EYS: variants seen among roughly 807,000 people sequenced by gnomAD.
EYS encodes EGF-like photoreceptor maintenance factor, also known as protein eyes shut homolog.
In EYS, 250 loss-of-function variants were observed where a neutral mutation model predicts 282.1. The ratio of observed to expected loss-of-function variants is 0.89; its 90% CI spans 0.80 to 0.98. The LOEUF is 0.98. Among genes scored for constraint, EYS ranks in the 50% least tolerant of loss-of-function variants. EYS has a pLI of 0.00. For missense variants in EYS, 4,016 were observed against 3,709.0 expected (o/e 1.08, Z -2.15); for synonymous variants, 1,355 against 1,282.9 (o/e 1.06, Z -1.20).
intron 29 of EYS, among the ~76,000 whole-genome samples, chr6:64,380,029 C>G (rs1343858787): frequency 6.6e-6 from 1 of 152,044 alleles, no homozygotes; most frequent in Admixed American, 6.5e-5. Flanking sequence ...TCTATCAACT[C>G]AAATTGTGTC....
At chr6:65,501,420 A>AT (rs1034017547) in intron 2 of EYS, among the ~76,000 whole-genome samples, 12 of 151,886 alleles carry the variant, frequency 7.9e-5, no homozygotes, top group African/African-American at 2.4e-4. Context: ...GAGATAATAT[A>AT]TTTTTTCTAG....
chr6:65,235,630 C>T (rs1380082884), intron 12 of EYS, among the ~76,000 whole-genome samples: 5 of 152,050 alleles, frequency 3.3e-5, no homozygotes, highest in Non-Finnish European at 7.4e-5. Flanking sequence ...CTGAACAAGT[C>T]GCTAATCTTC....
At chr6:64,581,202 G>A (rs1344758936) in intron 26 of EYS, among the ~76,000 whole-genome samples, 2 of 152,124 alleles carry the variant, frequency 1.3e-5, no homozygotes, top group African/African-American at 4.8e-5. Context: ...GAAAGAGAGT[G>A]ATGGGAAACA....
intron 41 of EYS, among the ~76,000 whole-genome samples, chr6:63,729,985 T>G (rs1268965539): frequency 6.6e-6 from 1 of 152,224 alleles, no homozygotes; most frequent in Non-Finnish European, 1.5e-5. Context: ...GTTTTGGCTA[T>G]ATGAGTTATA....
intron 28 of EYS, among the ~76,000 whole-genome samples, chr6:64,425,802 T>G (rs1774389421): frequency 6.6e-6 from 1 of 151,468 alleles, no homozygotes; most frequent in South Asian, 2.1e-4. Flanking sequence ...GAGTAAAAAA[T>G]GACTTTCATT....
intron 22 of EYS, among the ~76,000 whole-genome samples, chr6:64,769,950 C>T (rs1370868934): frequency 6.6e-6 from 1 of 151,894 alleles, no homozygotes; most frequent in African/African-American, 2.4e-5. Context: ...TATACACACA[C>T]ACATACAGAT....
At position 64,872,889 on chromosome 6, in the gene EYS, A is replaced by T. The variant is rs139058877; in HGVS notation, c.2992+13808T>A. ...ACAGGAACTTCAGGAGTGCAGTCAC[A>T]CTTAGTAAAGTGTGACTTGATCAAT... On this transcript the variant is annotated intron_variant, in intron 19 of 42. Coordinates refer to ENST00000503581, the MANE Select transcript of EYS (RefSeq NM_001142800.2). Among the ~76,000 whole-genome samples the T allele has an allele frequency of 1.9e-4, 29 of 151,520 alleles. 1 individual carries two copies. The East Asian group carries it at 5.6e-3, about 29-fold the overall frequency.
chr6:64,624,908 A>T (rs570287217), intron 23 of EYS, among the ~76,000 whole-genome samples: 2 of 152,090 alleles, frequency 1.3e-5, no homozygotes, highest in Non-Finnish European at 2.9e-5. Context: ...TATGTTTCCC[A>T]AGCTGGAGTT....
intron 26 of EYS, among the ~76,000 whole-genome samples, chr6:64,545,916 A>G (rs60495946): frequency 0.052 from 7,963 of 152,192 alleles, 488 homozygotes; most frequent in African/African-American, 0.14. Flanking sequence ...TGGGTAGGAA[A>G]AATCAATATC....
At chr6:63,927,905 T>A (rs1265404340) in intron 35 of EYS, among the ~76,000 whole-genome samples, 1 of 152,182 alleles carries the variant, frequency 6.6e-6, no homozygotes, top group Non-Finnish European at 1.5e-5. Context: ...TACATGAAAA[T>A]TTATGAGCTT....
rs147852180 is a variant in EYS at position 64,549,982 on chromosome 6, C to T, written c.5644+40241G>A. Among the ~76,000 whole-genome samples, 452 of 152,088 alleles carry T rather than the reference C, an allele frequency of 3.0e-3. 1 individual carries two copies. Among genetic ancestry groups the T allele is most frequent in the African/African-American group, 0.01 (418 of 41,466 alleles). The stretch of plus-strand genomic sequence containing the variant: ...GTTCCCACCTATGAGGGAGAACATG[C>T]GGTGTTTGGTTTTTTGTCCTTGCGA... On this transcript the variant is annotated intron_variant, in intron 26 of 42. Transcript: ENST00000503581.
chr6:65,188,122 T>C (rs1765556355), intron 12 of EYS, among the ~76,000 whole-genome samples: 1 of 151,614 alleles, frequency 6.6e-6, no homozygotes, highest in South Asian at 2.1e-4. Flanking sequence ...AAAGTATATA[T>C]ACTCATATCA....
intron 15 of EYS, among the ~76,000 whole-genome samples, chr6:64,937,565 A>G (rs1768950870): frequency 6.6e-6 from 1 of 151,616 alleles, no homozygotes; most frequent in Non-Finnish European, 1.5e-5. Context: ...CCTTAGGGAG[A>G]TGAAAATCAA....
chr6:63,807,389 C>T (rs898602371), intron 36 of EYS, among the ~76,000 whole-genome samples: 1 of 152,194 alleles, frequency 6.6e-6, no homozygotes, highest in African/African-American at 2.4e-5. Flanking sequence ...GAAATATACT[C>T]ACTCTGGTAT....
chr6:64,207,625 G>A (rs961236762), intron 31 of EYS, among the ~76,000 whole-genome samples: 9 of 152,076 alleles, frequency 5.9e-5, no homozygotes, highest in African/African-American at 2.2e-4. Flanking sequence ...TTACAAAATA[G>A]GGAGAATTCA....
chr6:63,986,164 T>TG (rs1427788984), intron 34 of EYS, among the ~76,000 whole-genome samples: 1 of 151,678 alleles, frequency 6.6e-6, no homozygotes, highest in Non-Finnish European at 1.5e-5. Context: ...AAAAAGCATA[T>TG]GAAAAAAAGC....
intron 29 of EYS, among the ~76,000 whole-genome samples, chr6:64,383,718 C>G (rs1023444264): frequency 1.3e-5 from 2 of 152,146 alleles, no homozygotes; most frequent in African/African-American, 4.8e-5. Context: ...CATTGTTGGA[C>G]AGAAAATGAG....
In EYS at chr6:64,316,702, G is replaced by GA. The variant is rs974231790; in HGVS notation, c.6079-9621dup. The stretch of plus-strand genomic sequence containing the variant: ...ACCATTGATTTTCTTCACAGAATTG[G>GA]AAAAAAACTACTTTAAATTTCATAT... On this transcript the variant is annotated intron_variant, in intron 29 of 42. Transcript: ENST00000503581. Among the ~76,000 whole-genome samples, 9 of 151,988 alleles carry GA rather than the reference G, an allele frequency of 5.9e-5. No individual in the cohort carries two copies. The South Asian group carries it at 1.0e-3, about 18-fold the overall frequency.
chr6:65,079,758 A>T (rs1006148664), intron 12 of EYS, among the ~76,000 whole-genome samples: 1 of 152,002 alleles, frequency 6.6e-6, no homozygotes, highest in Admixed American at 6.6e-5. Flanking sequence ...AATATACTCT[A>T]ATTTACATAT....
Sources: allele counts gnomAD v4.1 joint callset (sites outside exome capture counted in the v4.1 genomes callset), GRCh38; gene constraint gnomAD v4.1.1; transcripts MANE v1.5; gene names NCBI Gene and HGNC (gene_info 2026-07-23, HGNC 2026-07-21).